The following PCLO variants were observed in gnomAD, a reference collection of about 807,000 sequenced individuals.
PCLO encodes piccolo presynaptic cytomatrix protein.
In PCLO, 82 loss-of-function variants were observed where a neutral mutation model predicts 427.5. The observed-to-expected ratio is 0.19, with a 90% confidence interval of 0.16 to 0.23. The LOEUF (loss-of-function observed/expected upper bound fraction) is 0.23, where lower values mean the gene tolerates loss of function less well. Among genes scored for constraint, PCLO ranks in the 10% least tolerant of loss-of-function variants. PCLO has a pLI of 1.00. For missense variants in PCLO, 6,239 were observed against 6,115.9 expected (o/e 1.02, Z -0.67); for synonymous variants, 2,357 against 2,155.4 (o/e 1.09, Z -2.59).
chr7:82,876,905 T>C (rs1250117659), intron 10 of PCLO, among the ~76,000 whole-genome samples: 2 of 152,110 alleles, frequency 1.3e-5, no homozygotes, highest in Non-Finnish European at 2.9e-5. Context: ...AAGGCCTCAC[T>C]TAACACCTTG....
At chr7:82,825,730 GTATA>G in intron 18 of PCLO, among the ~76,000 whole-genome samples, 1 of 145,594 alleles carries the variant, frequency 6.9e-6, no homozygotes, top group South Asian at 2.2e-4. Flanking sequence ...ACACTGTATA[GTATA>G]TATTATACAT....
In PCLO at chr7:82,951,450, A is replaced by G. The variant is rs1303154388; in HGVS notation, c.9138T>C (p.Tyr3046=). 1 of 1,586,128 alleles carries G rather than the reference A, an allele frequency of 6.3e-7. No individual in the cohort carries two copies. The highest frequency in any genetic ancestry group is 1.8e-5 in the Admixed American group (1 of 55,354). Residue 3046 remains tyrosine (Y), a synonymous_variant, in exon 6 of 25, where the codon TAT becomes TAC. Transcript: ENST00000333891. ...CTGAAATGACTTGTCGTGTTTCTGG[A>G]TATGGACCTGTAGTCTTGCTTGAAT... ...MDYSSKTTGP[Y]PETRQVISGA...
chr7:82,938,639 A>G (rs765505391), intron 6 of PCLO, among the ~76,000 whole-genome samples: 15 of 152,006 alleles, frequency 9.9e-5, no homozygotes, highest in African/African-American at 1.4e-4. Context: ...CTTAAAGACT[A>G]TTACTAAAAC....
rs549708624 is a variant in PCLO, at chr7:83,082,179, G to A, written c.3300+52071C>T. 6.0e-5 allele frequency among the ~76,000 whole-genome samples: 9 copies of A among 151,066 alleles called. No homozygotes were observed. In the South Asian group the frequency reaches 8.3e-4, roughly 14 times the overall value. ...CCTCAACAATAAAAATTTTTCATAC[G>A]GGGAATGATTTGTTAAAATATGCAA... On this transcript the variant is annotated intron_variant, in intron 3 of 24. Coordinates refer to ENST00000333891, the MANE Select transcript of PCLO (RefSeq NM_033026.6).
chr7:82,835,101 T>C (rs1792198397), intron 16 of PCLO, among the ~76,000 whole-genome samples: 1 of 151,996 alleles, frequency 6.6e-6, no homozygotes, highest in African/African-American at 2.4e-5. Context: ...TCCGCCACCA[T>C]GCCTAGCTAA....
At chr7:83,074,896 C>T (rs1789912340) in intron 3 of PCLO, among the ~76,000 whole-genome samples, 1 of 152,094 alleles carries the variant, frequency 6.6e-6, no homozygotes, top group African/African-American at 2.4e-5. Context: ...ATAGCCTGAA[C>T]AATAACCAAA....
At chr7:82,999,383 T>C (rs2115899907) in intron 3 of PCLO, among the ~76,000 whole-genome samples, 1 of 110,764 alleles carries the variant, frequency 9.0e-6, no homozygotes, top group Non-Finnish European at 1.7e-5. Context: ...TTACATATTA[T>C]TCCATTATAT....
intron 17 of PCLO, among the ~76,000 whole-genome samples, chr7:82,827,265 G>T (rs752176787): frequency 3.3e-4 from 50 of 152,014 alleles, no homozygotes; most frequent in Non-Finnish European, 3.5e-4. Flanking sequence ...ATACATTTCA[G>T]TTATTGTCTG....
chr7:82,773,534 T>C (rs914450567), intron 22 of PCLO, among the ~76,000 whole-genome samples: 4 of 152,194 alleles, frequency 2.6e-5, no homozygotes, highest in African/African-American at 9.6e-5. Context: ...CAGTTTTAAC[T>C]GACTGTCTGG....
intron 10 of PCLO, among the ~76,000 whole-genome samples, chr7:82,847,675 T>G (rs578223498): frequency 1.3e-5 from 2 of 152,316 alleles, no homozygotes; most frequent in Admixed American, 1.3e-4. Context: ...ATGGGAGCAG[T>G]AGAAAAAAGT....
At position 82,955,353 on chromosome 7, in the gene PCLO, G is replaced by T. The variant is rs763728519; in HGVS notation, c.5600C>A (p.Pro1867Gln). 6.2e-7 allele frequency: 1 copy of T among 1,613,498 alleles called. No individual in the cohort carries two copies. Among genetic ancestry groups the T allele is most frequent in the Non-Finnish European group, 8.5e-7 (1 of 1,179,614 alleles). ...SEYSPSIESD[P>Q]EGFEISPEKI... ...TTCCGGGCTTATTTCAAAACCTTCT[G>T]GGTCTGACTCTATGCTAGGTGAATA... Residue 1867 changes from proline to glutamine, a missense_variant, in exon 5 of 25, where the codon CCA becomes CAA. By Grantham distance (76) the Pro-to-Gln change is moderately conservative. Coordinates refer to ENST00000333891, the MANE Select transcript of PCLO (RefSeq NM_033026.6).
intron 9 of PCLO, 64 bp from the exon 10 acceptor site, chr7:82,879,526 T>C (rs1167335434): frequency 1.6e-6 from 2 of 1,278,760 alleles, no homozygotes; most frequent in Non-Finnish European, 2.2e-6. Flanking sequence ...TATCACAAGT[T>C]ACAGAGAGCA....
intron 3 of PCLO, among the ~76,000 whole-genome samples, chr7:83,101,332 A>G (rs911364703): frequency 6.6e-6 from 1 of 151,998 alleles, no homozygotes; most frequent in Non-Finnish European, 1.5e-5. Flanking sequence ...GTTCTATTAT[A>G]TATTTTACCT....
At chr7:83,121,108 C>T (rs1791265555) in intron 3 of PCLO, among the ~76,000 whole-genome samples, 1 of 151,652 alleles carries the variant, frequency 6.6e-6, no homozygotes, top group South Asian at 2.1e-4. Context: ...AAGGTGAAAC[C>T]CATCTCTACT....
At chr7:83,061,433 T>A (rs1160020423) in intron 3 of PCLO, among the ~76,000 whole-genome samples, 3 of 152,184 alleles carry the variant, frequency 2.0e-5, no homozygotes, top group African/African-American at 7.2e-5. Flanking sequence ...AGGGGATTTA[T>A]TATTACATCT....
At chr7:82,999,989 C>T (rs1787775624) in intron 3 of PCLO, among the ~76,000 whole-genome samples, 3 of 141,274 alleles carry the variant, frequency 2.1e-5, no homozygotes. Flanking sequence ...ATGTCAGACA[C>T]TGAACCACAG....
In PCLO at chr7:82,943,862, A is replaced by C. The variant is rs535262098; in HGVS notation, c.11112+5614T>G. Among the ~76,000 whole-genome samples, 3 of 152,094 alleles carry C rather than the reference A, an allele frequency of 2.0e-5. No individual in the cohort carries two copies. The South Asian group carries it at 6.2e-4, about 32-fold the overall frequency. On this transcript the variant is annotated intron_variant, in intron 6 of 24. Coordinates refer to ENST00000333891, the MANE Select transcript of PCLO (RefSeq NM_033026.6). ...AAAAGCACAGAGGAAACAGAAGTAAAAATTGTAACACTGGGCTGGGTGCGG... is the reference window on the plus strand; with the variant it reads ...AAAAGCACAGAGGAAACAGAAGTAACAATTGTAACACTGGGCTGGGTGCGG...
intron 3 of PCLO, among the ~76,000 whole-genome samples, chr7:83,037,989 T>TTTTATATATATATATATATATA (rs1437975363): frequency 7.4e-5 from 1 of 13,586 alleles, no homozygotes; most frequent in Non-Finnish European, 1.2e-4. Flanking sequence ...AAGGAGGAGC[T>TTTTATATATATATATATATATA]TATATATATA....
intron 22 of PCLO, among the ~76,000 whole-genome samples, chr7:82,773,157 T>C (rs1023094841): frequency 6.6e-6 from 1 of 152,164 alleles, no homozygotes; most frequent in Admixed American, 6.6e-5. Flanking sequence ...CCAGGAAAAG[T>C]AGTGGGTCTG....
Sources: allele counts gnomAD v4.1 joint callset (sites outside exome capture counted in the v4.1 genomes callset), GRCh38; gene constraint gnomAD v4.1.1; transcripts MANE v1.5; gene names NCBI Gene and HGNC (gene_info 2026-07-23, HGNC 2026-07-21).